The following FCHO2 variants were observed in gnomAD, a reference collection of about 807,000 sequenced individuals.
FCHO2 encodes FCH and mu domain containing endocytic adaptor 2.
FCHO2 carries 43 observed loss-of-function variants against 114.1 expected under a neutral mutation model. That is an observed-to-expected ratio of 0.38 (90% CI 0.30 to 0.49). The LOEUF (loss-of-function observed/expected upper bound fraction) is 0.49, where lower values mean the gene tolerates loss of function less well. FCHO2 is among the 20% of genes least tolerant of loss of function. The pLI is 0.97. For missense variants in FCHO2, 807 were observed against 950.4 expected, an observed-to-expected ratio of 0.85 and a Z score of 1.98; for synonymous variants, 293 against 315.2, an observed-to-expected ratio of 0.93 and a Z score of 0.75.
At chr5:73,021,265 G>T (rs146066946) in intron 8 of FCHO2, 90 of 576,890 alleles carry the variant, frequency 1.6e-4, no homozygotes, top group Admixed American at 4.5e-4. Context: ...GTAACATGGA[G>T]GGCTGAGAAC....
intron 17 of FCHO2, among the ~76,000 whole-genome samples, chr5:73,059,960 T>G (rs911456848): frequency 1.3e-5 from 2 of 152,054 alleles, no homozygotes; most frequent in Non-Finnish European, 2.9e-5. Context: ...TAATATCCCC[T>G]TATGAATTAT....
chr5:73,010,161 A>G (rs1484438225), intron 6 of FCHO2, among the ~76,000 whole-genome samples: 1 of 152,206 alleles, frequency 6.6e-6, no homozygotes, highest in African/African-American at 2.4e-5. Flanking sequence ...CTGACAGTAT[A>G]GTGAGAATCA....
chr5:73,082,892 TAAAACAGAGTCTAGC>T, intron 24 of FCHO2, 67 bp downstream of exon 24: 1 of 959,272 alleles, frequency 1.0e-6, no homozygotes, highest in Non-Finnish European at 1.5e-6. Context: ...TTTTTTTTTT[TAAAACAGAGTCTAGC>T]TTTGTTGCCA....
At chr5:73,063,989 A>C in intron 18 of FCHO2, 45 bp downstream of exon 18, 1 of 1,492,782 alleles carries the variant, frequency 6.7e-7, no homozygotes, top group Non-Finnish European at 9.2e-7. Flanking sequence ...GTTTTGATTT[A>C]AGATGCAAAT....
At position 73,058,452 on chromosome 5, in the gene FCHO2, C is replaced by T; in HGVS notation, c.1273C>T (p.Leu425Phe). 6.4e-7 allele frequency: 1 copy of T among 1,567,582 alleles called. No homozygotes were observed. The highest frequency in any genetic ancestry group is 8.7e-7 in the Non-Finnish European group (1 of 1,155,340). The change falls in exon 17 of 26, where the codon CTT becomes TTT. Residue 425 changes from leucine (L) to phenylalanine (F), a missense_variant. Transcript: ENST00000430046. ...PPNEKGTSDL[L>F]AWDPLFGPSL... ...TGGTAGAAAAGGAACCAGTGATTTA[C>T]TTGCTTGGGACCCCCTATTTGGACC...
chr5:73,062,300 G>A (rs1757890284), intron 17 of FCHO2, among the ~76,000 whole-genome samples: 6 of 152,032 alleles, frequency 3.9e-5, no homozygotes, highest in South Asian at 4.2e-4. Flanking sequence ...AGCTTTTCTC[G>A]AAAAGCAAAT....
intron 6 of FCHO2, among the ~76,000 whole-genome samples, chr5:73,007,795 T>C (rs550092951): frequency 3.9e-5 from 6 of 152,300 alleles, no homozygotes; most frequent in South Asian, 2.1e-4. Context: ...TATAAAGTTA[T>C]AAATTATTAT....
intron 2 of FCHO2, among the ~76,000 whole-genome samples, chr5:72,976,842 C>T (rs1409451664): frequency 7.2e-5 from 10 of 138,754 alleles, no homozygotes; most frequent in Admixed American, 4.1e-4. Context: ...CATGTGTTCT[C>T]ATTGTTTAAC....
chr5:73,085,752 G>A (rs543359107), intron 24 of FCHO2, among the ~76,000 whole-genome samples: 1 of 150,902 alleles, frequency 6.6e-6, no homozygotes, highest in East Asian at 1.9e-4. Context: ...TCCAGCTTGG[G>A]CCTTAGAGGG....
chr5:72,996,832 C>T, intron 5 of FCHO2: 1 of 891,388 alleles, frequency 1.1e-6, no homozygotes, highest in Non-Finnish European at 1.7e-6. Flanking sequence ...CGTTCCCCCT[C>T]CCGGCAACGG....
chr5:73,074,576 C>T (rs1449004641), intron 19 of FCHO2, among the ~76,000 whole-genome samples, 166 bp from the exon 20 acceptor site: 2 of 151,748 alleles, frequency 1.3e-5, no homozygotes, highest in Non-Finnish European at 2.9e-5. Flanking sequence ...TATTAATGCT[C>T]CAGTTTGTTT....
At chr5:72,957,361 C>T (rs1283019490) in intron 1 of FCHO2, among the ~76,000 whole-genome samples, 1 of 152,154 alleles carries the variant, frequency 6.6e-6, no homozygotes, top group Non-Finnish European at 1.5e-5. Flanking sequence ...AATCCCTAGA[C>T]CCATTAGCAG....
intron 1 of FCHO2, among the ~76,000 whole-genome samples, chr5:72,958,467 A>C (rs944567027): frequency 6.6e-6 from 1 of 152,148 alleles, no homozygotes; most frequent in African/African-American, 2.4e-5. Context: ...TTGTGGTACC[A>C]TTGTCAAATA....
intron 8 of FCHO2, among the ~76,000 whole-genome samples, chr5:73,024,332 G>A (rs986490773): frequency 2.0e-5 from 3 of 152,118 alleles, no homozygotes; most frequent in Admixed American, 1.3e-4. Context: ...GAAGTGCTGG[G>A]ATTACAGGTG....
chr5:73,087,585 G>A lies in FCHO2; in HGVS notation c.2246-4G>A. On this transcript the variant is annotated splice_polypyrimidine_tract_variant and splice_region_variant and intron_variant, in intron 24 of 25. Coordinates refer to ENST00000430046, the MANE Select transcript of FCHO2 (RefSeq NM_138782.3). ...GTGTAAGTGCTTTATTCTTTTCTTT[G>A]TAGGTTCTGGGTCCCTCCGAGCAAA... 1.2e-6 allele frequency: 2 copies of A among 1,613,298 alleles called. No individual in the cohort carries two copies. Among genetic ancestry groups the A allele is most frequent in the Non-Finnish European group, 1.7e-6 (2 of 1,179,612 alleles).
chr5:73,038,024 T>C (rs1756617464), intron 10 of FCHO2: 1 of 183,564 alleles, frequency 5.4e-6, no homozygotes, highest in Non-Finnish European at 1.2e-5. Context: ...CTTCCCAAAG[T>C]GCTGGGATTA....
chr5:72,993,278 A>G (rs1347179230), intron 5 of FCHO2, among the ~76,000 whole-genome samples: 1 of 152,142 alleles, frequency 6.6e-6, no homozygotes, highest in Non-Finnish European at 1.5e-5. Context: ...AAAGCAATAG[A>G]GAAAAGAAAC....
chr5:73,054,564 T>A lies in FCHO2; in HGVS notation c.1210+15T>A, dbSNP rs769542917. 18 of 1,529,886 alleles carry A rather than the reference T, an allele frequency of 1.2e-5. No homozygotes were observed. The South Asian group carries it at 2.2e-4, about 19-fold the overall frequency. 94.8% of individuals were successfully genotyped at this position (1,529,886 alleles called of 1,614,324 possible). The stretch of plus-strand genomic sequence containing the variant: ...GAATTTGTCTAGTAAGTTTGACATT[T>A]GAATTGTTTATTTTATGTCTATTAA... On this transcript the variant is annotated intron_variant, in intron 15 of 25. Coordinates refer to ENST00000430046, the MANE Select transcript of FCHO2 (RefSeq NM_138782.3).
chr5:73,081,693 G>C, intron 22 of FCHO2, 90 bp from the exon 23 acceptor site: 1 of 931,760 alleles, frequency 1.1e-6, no homozygotes, highest in Middle Eastern at 3.5e-4. Context: ...TTTTGATTTT[G>C]TGGACTTACA....
Sources: gnomAD v4.1 joint callset for allele counts (sites outside exome capture counted in the v4.1 genomes callset) on GRCh38, gnomAD v4.1.1 for gene constraint, MANE v1.5 for transcripts, NCBI Gene and HGNC (gene_info 2026-07-23, HGNC 2026-07-21) for gene names.